Variants in AKAP6 observed in about 807,000 individuals in gnomAD.
The protein encoded by AKAP6 is A-kinase anchoring protein 6, also known as A-kinase anchor protein 6.
In AKAP6, 58 loss-of-function variants were observed where a neutral mutation model predicts 188.5. That is an observed-to-expected ratio of 0.31 (90% CI 0.25 to 0.38). AKAP6 has a LOEUF of 0.38. AKAP6 is among the 10% of genes least tolerant of loss of function. AKAP6 has a pLI of 1.00. For missense variants in AKAP6, 2,710 were observed against 2,740.0 expected (o/e 0.99, Z 0.24); for synonymous variants, 989 against 998.6 (o/e 0.99, Z 0.18).
chr14:32,427,628 G>C (rs1566496624), intron 1 of AKAP6, among the ~76,000 whole-genome samples: 1 of 152,108 alleles, frequency 6.6e-6, no homozygotes, highest in Non-Finnish European at 1.5e-5. Flanking sequence ...GCCCAATCTG[G>C]TATCCTGGAA....
At chr14:32,722,286 C>T (rs2030584019) in intron 9 of AKAP6, among the ~76,000 whole-genome samples, 1 of 152,124 alleles carries the variant, frequency 6.6e-6, no homozygotes, top group South Asian at 2.1e-4. Context: ...GCAAGCAGTA[C>T]AAGGTTGGGG....
intron 9 of AKAP6, among the ~76,000 whole-genome samples, chr14:32,728,693 C>G (rs1433739957): frequency 6.6e-6 from 1 of 152,192 alleles, no homozygotes; most frequent in Non-Finnish European, 1.5e-5. Flanking sequence ...AAGCTTCACT[C>G]TCTGTTCAGC....
intron 12 of AKAP6, among the ~76,000 whole-genome samples, chr14:32,804,302 C>G (rs1182740171): frequency 6.6e-6 from 1 of 152,184 alleles, no homozygotes; most frequent in East Asian, 1.9e-4. Flanking sequence ...ATCTTACCTG[C>G]TTCTCCAGGC....
chr14:32,410,840 T>A (rs1889458485), intron 1 of AKAP6, among the ~76,000 whole-genome samples: 1 of 152,220 alleles, frequency 6.6e-6, no homozygotes, highest in Admixed American at 6.5e-5. Flanking sequence ...TTAGAAAGAT[T>A]TTTTAAAAAT....
intron 2 of AKAP6, among the ~76,000 whole-genome samples, chr14:32,447,883 C>T (rs1890808441): frequency 6.6e-6 from 1 of 152,168 alleles, no homozygotes; most frequent in Non-Finnish European, 1.5e-5. Flanking sequence ...AAGGTTAAAA[C>T]AAGTACACCG....
At position 32,836,651 on chromosome 14, in the gene AKAP6, T is replaced by C. The variant is rs1337854224; in HGVS notation, c.*6846T>C. The C allele has an allele frequency of 6.6e-6, 1 of 152,104 alleles. No homozygotes were observed. Among genetic ancestry groups the C allele is most frequent in the African/African-American group, 2.4e-5 (1 of 41,402 alleles). 9.4% of individuals were successfully genotyped at this position (152,104 alleles called of 1,614,324 possible). On this transcript the variant is annotated 3_prime_UTR_variant, in exon 14 of 14. Transcript: ENST00000280979. ...ACTTTGAAGCCAATCTAATTCATAC[T>C]CAAAAAAGTATTCCAAAATTTTGGT...
At chr14:32,555,574 A>C (rs1433102060) in intron 4 of AKAP6, among the ~76,000 whole-genome samples, 1 of 152,210 alleles carries the variant, frequency 6.6e-6, no homozygotes, top group Non-Finnish European at 1.5e-5. Context: ...CTGAAACTCT[A>C]TACCCATTAA....
intron 7 of AKAP6, among the ~76,000 whole-genome samples, chr14:32,662,676 A>C (rs879589856): frequency 6.6e-6 from 1 of 152,170 alleles, no homozygotes; most frequent in Non-Finnish European, 1.5e-5. Context: ...TGATGGCCAG[A>C]CACAGTACCT....
intron 1 of AKAP6, among the ~76,000 whole-genome samples, chr14:32,378,287 T>C (rs1035129211): frequency 2.0e-5 from 3 of 152,214 alleles, no homozygotes; most frequent in African/African-American, 7.2e-5. Flanking sequence ...ACTATTATTA[T>C]GTCATTGAAA....
At chr14:32,617,874 G>A (rs868379410) in intron 7 of AKAP6, among the ~76,000 whole-genome samples, 1 of 152,114 alleles carries the variant, frequency 6.6e-6, no homozygotes, top group Non-Finnish European at 1.5e-5. Flanking sequence ...TGATCTGCCT[G>A]CCTCAGCCTC....
At chr14:32,606,452 A>T (rs1205198988) in intron 7 of AKAP6, among the ~76,000 whole-genome samples, 1 of 152,176 alleles carries the variant, frequency 6.6e-6, no homozygotes, top group African/African-American at 2.4e-5. Flanking sequence ...CGAAGCATGC[A>T]TTATTACAGG....
intron 1 of AKAP6, among the ~76,000 whole-genome samples, chr14:32,340,692 T>C (rs181297607): frequency 6.6e-6 from 1 of 152,344 alleles, no homozygotes; most frequent in East Asian, 1.9e-4. Flanking sequence ...CAAAATACCA[T>C]AAACTGGGTT....
At chr14:32,376,979 G>T (rs1888178128) in intron 1 of AKAP6, among the ~76,000 whole-genome samples, 2 of 152,200 alleles carry the variant, frequency 1.3e-5, no homozygotes, top group Admixed American at 1.3e-4. Context: ...ACAGGCATGA[G>T]CCACCGCGCC....
At chr14:32,538,740 A>G (rs774403620) in intron 3 of AKAP6, among the ~76,000 whole-genome samples, 27 of 152,200 alleles carry the variant, frequency 1.8e-4, no homozygotes, top group Non-Finnish European at 2.9e-4. Flanking sequence ...GGTGAGGGAT[A>G]TTAAAAGTAG....
intron 12 of AKAP6, among the ~76,000 whole-genome samples, chr14:32,784,678 G>A (rs2033349936): frequency 6.6e-6 from 1 of 152,182 alleles, no homozygotes; most frequent in Middle Eastern, 3.4e-3. Context: ...CTTTTAATAT[G>A]TTGTGTTATT....
intron 2 of AKAP6, among the ~76,000 whole-genome samples, chr14:32,481,000 A>G (rs954625040): frequency 1.3e-5 from 2 of 152,228 alleles, no homozygotes; most frequent in African/African-American, 4.8e-5. Context: ...TGTTCTGTAG[A>G]GATAACTCCT....
intron 1 of AKAP6, among the ~76,000 whole-genome samples, chr14:32,368,217 C>G (rs769243663): frequency 2.0e-5 from 3 of 152,132 alleles, no homozygotes; most frequent in Non-Finnish European, 4.4e-5. Context: ...TGAACATAAT[C>G]CATTGCAGAT....
intron 12 of AKAP6, among the ~76,000 whole-genome samples, chr14:32,795,936 T>C (rs1322896788): frequency 6.6e-6 from 1 of 152,216 alleles, no homozygotes; most frequent in African/African-American, 2.4e-5. Flanking sequence ...TTCAGCAGTC[T>C]CAGGATACAA....
chr14:32,668,788 TAGTTTTATGATC>T (rs1192659237), intron 7 of AKAP6, among the ~76,000 whole-genome samples: 3 of 152,072 alleles, frequency 2.0e-5, no homozygotes, highest in Non-Finnish European at 2.9e-5. Flanking sequence ...CTTCTGATAA[TAGTTTTATGATC>T]AGTTTTATGA....
Sources: allele counts gnomAD v4.1 joint callset (sites outside exome capture counted in the v4.1 genomes callset), GRCh38; gene constraint gnomAD v4.1.1; transcripts MANE v1.5; gene names NCBI Gene and HGNC (gene_info 2026-07-23, HGNC 2026-07-21).